The following RSBN1 variants were observed in gnomAD, a reference collection of about 807,000 sequenced individuals.
RSBN1 encodes the protein round spermatid basic protein 1, also known as lysine-specific demethylase 9.
In RSBN1, 23 loss-of-function variants were observed where a neutral mutation model predicts 74.8. The observed-to-expected ratio is 0.31, with a 90% CI of 0.22 to 0.44. The LOEUF (loss-of-function observed/expected upper bound fraction) is 0.44. RSBN1 is among the 20% of genes least tolerant of loss of function. The pLI is 1.00. For missense variants in RSBN1, 808 were observed against 1,020.9 expected (o/e 0.79, Z 2.84); for synonymous variants, 407 against 379.6 (o/e 1.07, Z -0.84).
intron 4 of RSBN1, among the ~76,000 whole-genome samples, chr1:113,774,621 G>A (rs990484104): frequency 1.3e-5 from 2 of 151,998 alleles, no homozygotes; most frequent in African/African-American, 4.8e-5. Flanking sequence ...GGCTTGCAGT[G>A]AGCCGAGATC....
intron 1 of RSBN1, among the ~76,000 whole-genome samples, chr1:113,803,912 G>A (rs1239339864): frequency 2.1e-5 from 3 of 142,382 alleles, no homozygotes; most frequent in African/African-American, 7.8e-5. Flanking sequence ...AGACCAGCCT[G>A]AGCAACACAG....
At chr1:113,804,950 A>G (rs1326720324) in intron 1 of RSBN1, among the ~76,000 whole-genome samples, 1 of 151,706 alleles carries the variant, frequency 6.6e-6, no homozygotes, top group Non-Finnish European at 1.5e-5. Flanking sequence ...GACTCACAAG[A>G]GCATACATAT....
rs1659688369 is a variant in RSBN1 at position 113,762,032 on chromosome 1, C to T, written c.*3948G>A. ...TCATTAAAAACCTTTTTAAAACACT[C>T]GTTAATGTCAATAAACAAACTAAGG... is the stretch of plus-strand genomic sequence containing the variant. On this transcript the variant is annotated 3_prime_UTR_variant, in exon 7 of 7. Coordinates refer to ENST00000261441, the MANE Select transcript of RSBN1 (RefSeq NM_018364.5). 6.6e-6 allele frequency: 1 copy of T among 152,656 alleles called. No individual in the cohort carries two copies. Among genetic ancestry groups the T allele is most frequent in the East Asian group, 1.9e-4 (1 of 5,340 alleles). 9.5% of individuals were successfully genotyped at this position (152,656 alleles called of 1,614,324 possible).
At chr1:113,766,479 G>A in intron 6 of RSBN1, 26 bp from the exon 7 acceptor site, 1 of 1,427,410 alleles carries the variant, frequency 7.0e-7, no homozygotes, top group East Asian at 2.3e-5. Flanking sequence ...AGTTACGTGA[G>A]ACTTTAAAAT....
chr1:113,768,115 T>C (rs998458643), intron 5 of RSBN1, 107 bp downstream of exon 5: 3 of 904,294 alleles, frequency 3.3e-6, no homozygotes, highest in Middle Eastern at 2.3e-4. Context: ...GCAAACTTTA[T>C]GTGTATTTTA....
In RSBN1 at chr1:113,764,013, G is replaced by T. The variant is rs541868211; in HGVS notation, c.*1967C>A. 1.3e-5 allele frequency: 2 copies of T among 152,310 alleles called. No homozygotes were observed. The highest frequency in any genetic ancestry group is 4.1e-4 in the South Asian group (2 of 4,828). 9.4% of individuals were successfully genotyped at this position (152,310 alleles called of 1,614,324 possible). A position where few individuals can be genotyped will look rare whatever the true frequency, so the allele number is the denominator to read the frequency against. ...TTTAAAAGCAAATGTTGCCTGAGAA[G>T]AATTTTACTTTGCACAGCCTGGTAA... On this transcript the variant is annotated 3_prime_UTR_variant, in exon 7 of 7. Transcript: ENST00000261441.
chr1:113,765,855 G>T lies in RSBN1; in HGVS notation c.*125C>A. 1 of 699,506 alleles carries T rather than the reference G, an allele frequency of 1.4e-6. No homozygotes were observed. The highest frequency in any genetic ancestry group is 1.8e-5 in the African/African-American group (1 of 55,642). The allele number at this position is 699,506 out of a possible 1,614,324, so 43.3% of individuals were successfully genotyped here. A position where few individuals can be genotyped will look rare whatever the true frequency, so the allele number is the denominator to read the frequency against. ...AAGATATGCTTGACATTTGTGGAATGTCATTTCTCTTTATAGAATTATAGG... is the reference window on the plus strand; with the variant it reads ...AAGATATGCTTGACATTTGTGGAATTTCATTTCTCTTTATAGAATTATAGG... On this transcript the variant is annotated 3_prime_UTR_variant, in exon 7 of 7. Transcript: ENST00000261441.
intron 2 of RSBN1, among the ~76,000 whole-genome samples, chr1:113,788,860 A>AC (rs972590851): frequency 1.7e-4 from 26 of 152,174 alleles, no homozygotes; most frequent in Middle Eastern, 6.8e-3. Context: ...ACACAGGAAG[A>AC]CCCTCTACCT....
intron 2 of RSBN1, among the ~76,000 whole-genome samples, chr1:113,794,357 C>A (rs1660429409): frequency 6.6e-6 from 1 of 152,124 alleles, no homozygotes. Context: ...GGATAGCAAG[C>A]ATTTCCCTAT....
chr1:113,774,380 A>T lies in RSBN1; in HGVS notation c.1658+2830T>A, dbSNP rs540514758. On this transcript the variant is annotated intron_variant, in intron 4 of 6. Coordinates refer to ENST00000261441, the MANE Select transcript of RSBN1 (RefSeq NM_018364.5). ...GGCCAACTCTTTTTTAATTAAAATT[A>T]AAAAAAACAACAGGCCAGGCACGGT... 4.0e-5 allele frequency among the ~76,000 whole-genome samples: 6 copies of T among 151,836 alleles called. No individual in the cohort carries two copies. In the East Asian group the frequency reaches 7.8e-4, roughly 20 times the overall value.
intron 1 of RSBN1, among the ~76,000 whole-genome samples, chr1:113,805,689 A>G (rs1660686807): frequency 6.6e-6 from 1 of 152,212 alleles, no homozygotes; most frequent in East Asian, 1.9e-4. Flanking sequence ...TAGCATTTAC[A>G]GATTAAATTT....
intron 1 of RSBN1, 116 bp downstream of exon 1, chr1:113,811,594 G>T: frequency 7.0e-7 from 1 of 1,429,216 alleles, no homozygotes; most frequent in Non-Finnish European, 9.2e-7. Context: ...AGTGAGCTTA[G>T]AGAAGTACAG....
intron 1 of RSBN1, among the ~76,000 whole-genome samples, chr1:113,810,017 C>T (rs1660797739): frequency 6.6e-6 from 1 of 152,126 alleles, no homozygotes; most frequent in Non-Finnish European, 1.5e-5. Flanking sequence ...AATTATTACA[C>T]ATGTTATTGC....
chr1:113,763,327 G>A lies in RSBN1; in HGVS notation c.*2653C>T, dbSNP rs1659716639. The A allele has an allele frequency of 2.0e-5, 3 of 152,710 alleles. No homozygotes were observed. The highest frequency in any genetic ancestry group is 7.2e-5 in the African/African-American group (3 of 41,422). The allele number at this position is 152,710 out of a possible 1,614,324, so 9.5% of individuals were successfully genotyped here. A position where few individuals can be genotyped will look rare whatever the true frequency, so the allele number is the denominator to read the frequency against. ...CATTGTGCAAGTAATCTCAAGAGCT[G>A]GCACAACGGATAATATACCAAAAAG... On this transcript the variant is annotated 3_prime_UTR_variant, in exon 7 of 7. Coordinates refer to ENST00000261441, the MANE Select transcript of RSBN1 (RefSeq NM_018364.5).
chr1:113,807,774 T>G (rs1272176981), intron 1 of RSBN1, among the ~76,000 whole-genome samples: 2 of 127,626 alleles, frequency 1.6e-5, no homozygotes, highest in African/African-American at 5.9e-5. Context: ...AAAAAAAAAT[T>G]ATATATATAT....
At chr1:113,773,497 T>C (rs1355735981) in intron 4 of RSBN1, among the ~76,000 whole-genome samples, 1 of 152,054 alleles carries the variant, frequency 6.6e-6, no homozygotes, top group Non-Finnish European at 1.5e-5. Context: ...CACTCCAGCC[T>C]GGGTGACAGA....
chr1:113,809,889 G>T (rs918852143), intron 1 of RSBN1, among the ~76,000 whole-genome samples: 1 of 152,112 alleles, frequency 6.6e-6, no homozygotes, highest in African/African-American at 2.4e-5. Context: ...CTACCATATT[G>T]GTCAGCACAA....
chr1:113,805,523 C>A (rs1415449434), intron 1 of RSBN1, among the ~76,000 whole-genome samples: 2 of 152,060 alleles, frequency 1.3e-5, no homozygotes, highest in Non-Finnish European at 2.9e-5. Context: ...AATAATCAAC[C>A]CCAGTGTGCA....
At position 113,766,000 on chromosome 1, in the gene RSBN1, G is replaced by A; in HGVS notation, c.2389C>T (p.His797Tyr). 2.5e-6 allele frequency: 4 copies of A among 1,612,678 alleles called. No homozygotes were observed. Among genetic ancestry groups the A allele is most frequent in the Non-Finnish European group, 3.4e-6 (4 of 1,178,802 alleles). Reference sequence around the variant, plus strand: ...ACATATCACACAGAAGTGGTTGAATGTTCTTGCAGATTGTGTTGCTGGTCA... The same window carrying A: ...ACATATCACACAGAAGTGGTTGAATATTCTTGCAGATTGTGTTGCTGGTCA... ...DSDQQHNLQEHSTTSV is the reference protein window; with the variant it reads ...DSDQQHNLQEYSTTSV The change falls in exon 7 of 7, where the codon CAT becomes TAT. Residue 797 changes from histidine to tyrosine, a missense_variant. Around this residue, in one of 6 missense-constraint regions of RSBN1, gnomAD observed 91 missense variants for 99.6 expected, o/e 0.91. Coordinates refer to ENST00000261441, the MANE Select transcript of RSBN1 (RefSeq NM_018364.5).
Sources: allele counts gnomAD v4.1 joint callset (sites outside exome capture counted in the v4.1 genomes callset), GRCh38; gene constraint gnomAD v4.1.1; regional missense constraint gnomAD v4.1.1; transcripts MANE v1.5; gene names NCBI Gene and HGNC (gene_info 2026-07-23, HGNC 2026-07-21).